Variants in FAT3 observed in about 807,000 individuals in gnomAD.
FAT3 encodes FAT atypical cadherin 3.
FAT3 carries 95 observed loss-of-function variants against 310.2 expected under a neutral mutation model. The ratio of observed to expected loss-of-function variants is 0.31; its 90% CI spans 0.26 to 0.36. The LOEUF (loss-of-function observed/expected upper bound fraction) is 0.36. Ranked by LOEUF, FAT3 falls within the 10% of genes least tolerant of loss-of-function variation. The pLI is 1.00. For synonymous variants in FAT3, 2,314 were observed against 2,192.9 expected (o/e 1.06, Z -1.54); for missense variants, 5,408 against 5,715.6 (o/e 0.95, Z 1.74).
At chr11:92,599,327 T>TG (rs1445858606) in intron 3 of FAT3, among the ~76,000 whole-genome samples, 1 of 152,008 alleles carries the variant, frequency 6.6e-6, no homozygotes, top group African/African-American at 2.4e-5. Flanking sequence ...CAGAATGAAG[T>TG]GGGGGGTGGG....
chr11:92,778,542 A>T (rs1333341633), intron 7 of FAT3, among the ~76,000 whole-genome samples: 2 of 152,166 alleles, frequency 1.3e-5, no homozygotes, highest in Non-Finnish European at 2.9e-5. Flanking sequence ...AAACCTTCCA[A>T]AACAGTTTGA....
intron 2 of FAT3, among the ~76,000 whole-genome samples, chr11:92,368,269 G>T (rs543357778): frequency 6.6e-6 from 1 of 152,164 alleles, no homozygotes; most frequent in South Asian, 2.1e-4. Context: ...TGAGAGTTTA[G>T]AACCATTTCT....
chr11:92,536,477 T>C (rs554083288), intron 3 of FAT3, among the ~76,000 whole-genome samples: 134 of 152,184 alleles, frequency 8.8e-4, no homozygotes, highest in Non-Finnish European at 1.5e-3. Flanking sequence ...GTTTACTCTG[T>C]GAAGTGAATA....
chr11:92,377,242 G>A (rs913688689), intron 2 of FAT3, among the ~76,000 whole-genome samples: 4 of 152,184 alleles, frequency 2.6e-5, no homozygotes, highest in African/African-American at 7.2e-5. Context: ...TAAATGTATT[G>A]TTGTGTGTGT....
chr11:92,677,832 A>G (rs1416652803), intron 3 of FAT3, among the ~76,000 whole-genome samples: 1 of 152,192 alleles, frequency 6.6e-6, no homozygotes, highest in Non-Finnish European at 1.5e-5. Context: ...AAAAGCACAC[A>G]TTTATTGAAA....
chr11:92,882,434 C>G (rs1189985652), intron 23 of FAT3, among the ~76,000 whole-genome samples: 1 of 152,124 alleles, frequency 6.6e-6, no homozygotes, highest in Admixed American at 6.6e-5. Context: ...TCTCTTTCTC[C>G]TCCTCTCCTC....
At chr11:92,787,732 T>A (rs1262812730) in intron 7 of FAT3, among the ~76,000 whole-genome samples, 1 of 150,796 alleles carries the variant, frequency 6.6e-6, no homozygotes, top group Non-Finnish European at 1.5e-5. Context: ...CAAAATAATA[T>A]TAAAATTATT....
chr11:92,551,212 C>T (rs531243214), intron 3 of FAT3, among the ~76,000 whole-genome samples: 3 of 152,042 alleles, frequency 2.0e-5, no homozygotes, highest in Non-Finnish European at 4.4e-5. Flanking sequence ...CTGAATTTCA[C>T]CTTCTGAAAG....
intron 2 of FAT3, among the ~76,000 whole-genome samples, chr11:92,474,139 C>T (rs1221734827): frequency 1.3e-5 from 2 of 152,146 alleles, no homozygotes; most frequent in Non-Finnish European, 2.9e-5. Context: ...CTTATAAACC[C>T]TGTGCTGAGG....
At chr11:92,277,501 C>T (rs1034841397) in intron 1 of FAT3, among the ~76,000 whole-genome samples, 1 of 152,144 alleles carries the variant, frequency 6.6e-6, no homozygotes, top group Admixed American at 6.6e-5. Flanking sequence ...AATGTGCATA[C>T]ACACCTTGGA....
intron 2 of FAT3, among the ~76,000 whole-genome samples, chr11:92,415,669 G>C (rs1421530861): frequency 6.6e-6 from 1 of 152,102 alleles, no homozygotes; most frequent in African/African-American, 2.4e-5. Context: ...TTTGCCAGCA[G>C]ATGGTTCAAA....
At chr11:92,465,048 G>A (rs1012304976) in intron 2 of FAT3, among the ~76,000 whole-genome samples, 4 of 152,146 alleles carry the variant, frequency 2.6e-5, no homozygotes, top group Non-Finnish European at 4.4e-5. Context: ...CTGCCGACGT[G>A]ATTATGGGGG....
intron 1 of FAT3, among the ~76,000 whole-genome samples, chr11:92,268,052 C>CA (rs34936870): frequency 0.094 from 8,134 of 86,452 alleles, 213 homozygotes; most frequent in Middle Eastern, 0.12. Flanking sequence ...CTAAGTCCTT[C>CA]AAAAAAAAAA....
At chr11:92,367,066 C>G (rs1591178698) in intron 2 of FAT3, 1 of 474,922 alleles carries the variant, frequency 2.1e-6, no homozygotes, top group Admixed American at 2.1e-5. Context: ...CCAGATCACT[C>G]TCTTCTGCAC....
chr11:92,489,439 C>G (rs1412360631), intron 2 of FAT3, among the ~76,000 whole-genome samples: 1 of 152,100 alleles, frequency 6.6e-6, no homozygotes, highest in Non-Finnish European at 1.5e-5. Context: ...CCCTGCTCTT[C>G]ACTCAATTGT....
chr11:92,575,093 T>C (rs1938405265), intron 3 of FAT3, among the ~76,000 whole-genome samples: 1 of 152,124 alleles, frequency 6.6e-6, no homozygotes, highest in Non-Finnish European at 1.5e-5. Flanking sequence ...TTTACCTTGA[T>C]TTTTTTTCCA....
At chr11:92,326,915 C>T (rs1363652649) in intron 1 of FAT3, among the ~76,000 whole-genome samples, 15 of 152,150 alleles carry the variant, frequency 9.9e-5, no homozygotes. Context: ...TTTCTGGAGT[C>T]AGCATTCACT....
chr11:92,394,700 A>G (rs1038896738), intron 2 of FAT3, among the ~76,000 whole-genome samples: 1 of 152,112 alleles, frequency 6.6e-6, no homozygotes, highest in African/African-American at 2.4e-5. Context: ...TATAACAAAA[A>G]TTTAAAGGAA....
intron 1 of FAT3, among the ~76,000 whole-genome samples, chr11:92,227,809 G>A (rs1452370641): frequency 1.4e-5 from 2 of 148,128 alleles, no homozygotes; most frequent in Non-Finnish European, 3.0e-5. Context: ...AGAGAATAAG[G>A]AACAGCCAAG....
Sources: gnomAD v4.1 joint callset for allele counts (sites outside exome capture counted in the v4.1 genomes callset) on GRCh38, gnomAD v4.1.1 for gene constraint, MANE v1.5 for transcripts, NCBI Gene and HGNC (gene_info 2026-07-23, HGNC 2026-07-21) for gene names.